ASPH: variants seen among roughly 807,000 people sequenced by gnomAD.
ASPH encodes the protein aspartyl/asparaginyl beta-hydroxylase.
Under a neutral mutation model 118.4 loss-of-function variants are expected in ASPH, and 100 were observed. The observed-to-expected ratio is 0.84, with a 90% CI of 0.72 to 1.00. The LOEUF (loss-of-function observed/expected upper bound fraction) is 1.00. Among genes scored for constraint, ASPH ranks in the 50% least tolerant of loss-of-function variants. ASPH has a pLI of 0.00. For missense variants in ASPH, 920 were observed against 919.5 expected (o/e 1.00, Z -0.01); for synonymous variants, 315 against 325.6 (o/e 0.97, Z 0.35).
chr8:61,619,060 C>G (rs1203637520), intron 13 of ASPH, 41 bp from the exon 14 acceptor site: 3 of 1,406,244 alleles, frequency 2.1e-6, no homozygotes, highest in Non-Finnish European at 3.0e-6. Context: ...CTATGCAAGT[C>G]ACCATTCAGT....
intron 21 of ASPH, among the ~76,000 whole-genome samples, chr8:61,542,537 C>G (rs183019275): frequency 6.6e-6 from 1 of 152,308 alleles, no homozygotes; most frequent in East Asian, 1.9e-4. Context: ...GCACTATTAT[C>G]ATACAAATTA....
intron 1 of ASPH, 24 bp downstream of exon 1, chr8:61,714,245 T>TC: frequency 6.8e-7 from 1 of 1,475,822 alleles, no homozygotes; most frequent in South Asian, 1.3e-5. Context: ...AGGCCCCAGA[T>TC]CCCCGCCCCG....
intron 18 of ASPH, among the ~76,000 whole-genome samples, chr8:61,556,266 G>A (rs985206594): frequency 1.3e-5 from 2 of 152,104 alleles, no homozygotes; most frequent in African/African-American, 4.8e-5. Flanking sequence ...CAAGAATGAA[G>A]AAATGAATGA....
At chr8:61,618,191 C>T (rs1318714833) in intron 14 of ASPH, among the ~76,000 whole-genome samples, 1 of 152,106 alleles carries the variant, frequency 6.6e-6, no homozygotes, top group African/African-American at 2.4e-5. Context: ...CACATGCTCA[C>T]CAAGTATCAT....
Position 61,503,045 on chromosome 8 carries a change from T to A in ASPH, c.*314A>T, listed in dbSNP as rs1805201649. On this transcript the variant is annotated 3_prime_UTR_variant, in exon 25 of 25. Transcript: ENST00000379454. ...TTCTACATATGTTCTCATTATACAT[T>A]GAATTAGACCTATTCTATGTGGAAA... The A allele has an allele frequency of 4.7e-6, 1 of 214,818 alleles. No individual in the cohort carries two copies. The highest frequency in any genetic ancestry group is 9.1e-6 in the Non-Finnish European group (1 of 109,804). The allele number at this position is 214,818 out of a possible 1,614,324, so 13.3% of individuals were successfully genotyped here. A position where few individuals can be genotyped will look rare whatever the true frequency, so the allele number is the denominator to read the frequency against.
chr8:61,561,019 G>A (rs1175689031), intron 18 of ASPH, among the ~76,000 whole-genome samples: 4 of 148,366 alleles, frequency 2.7e-5, no homozygotes, highest in African/African-American at 1.0e-4. Context: ...TACAAGGAAG[G>A]AAGGGAATGA....
intron 14 of ASPH, among the ~76,000 whole-genome samples, chr8:61,598,516 G>T (rs895119433): frequency 1.3e-5 from 2 of 152,190 alleles, no homozygotes; most frequent in African/African-American, 4.8e-5. Flanking sequence ...TCTAAAGGAA[G>T]AGACAGACTC....
Position 61,638,306 on chromosome 8 carries a change from T to C in ASPH, c.832+16A>G. ...AGCTGACTTGCAGAAAATATGTGCT[T>C]ACAGAAAAAACTTACCTGTGATTTC... On this transcript the variant is annotated intron_variant, in intron 11 of 24. Coordinates refer to ENST00000379454, the MANE Select transcript of ASPH (RefSeq NM_004318.4). The C allele has an allele frequency of 6.3e-7, 1 of 1,598,884 alleles. No homozygotes were observed. The highest frequency in any genetic ancestry group is 8.5e-7 in the Non-Finnish European group (1 of 1,175,864).
chr8:61,579,035 C>T (rs1242380878), intron 15 of ASPH: 4 of 1,610,808 alleles, frequency 2.5e-6, no homozygotes, highest in Admixed American at 1.7e-5. Context: ...ATATTGCCAA[C>T]CAAAGACGGG....
intron 3 of ASPH, chr8:61,658,626 AATGAG>A (rs1453657479): frequency 1.3e-5 from 2 of 152,190 alleles, no homozygotes; most frequent in Non-Finnish European, 2.9e-5. Flanking sequence ...TTAAGAATTA[AATGAG>A]ATAATTTAAA....
At chr8:61,625,925 A>C (rs1016611857) in intron 13 of ASPH, 1 of 1,068,682 alleles carries the variant, frequency 9.4e-7, no homozygotes, top group African/African-American at 1.7e-5. Flanking sequence ...AATTGCTGCT[A>C]CATCACCAAT....
chr8:61,574,378 A>G (rs193031566), intron 16 of ASPH, among the ~76,000 whole-genome samples: 4 of 152,346 alleles, frequency 2.6e-5, no homozygotes, highest in African/African-American at 9.6e-5. Flanking sequence ...AAATCATTCT[A>G]CTATAAAGAC....
At chr8:61,527,262 C>G (rs1563703709) in intron 21 of ASPH, among the ~76,000 whole-genome samples, 1 of 152,112 alleles carries the variant, frequency 6.6e-6, no homozygotes, top group African/African-American at 2.4e-5. Flanking sequence ...TTGAATTGGT[C>G]AAGCAAAATG....
At chr8:61,707,996 ATAT>A (rs1202613887) in intron 1 of ASPH, among the ~76,000 whole-genome samples, 1 of 152,192 alleles carries the variant, frequency 6.6e-6, no homozygotes, top group African/African-American at 2.4e-5. Context: ...TACATGTTAT[ATAT>A]TATTTTGTGC....
At chr8:61,658,467 C>A (rs1814943037) in intron 3 of ASPH, 1 of 152,156 alleles carries the variant, frequency 6.6e-6, no homozygotes, top group South Asian at 2.1e-4. Context: ...CAAGGACATG[C>A]AACTCAGCAT....
intron 19 of ASPH, among the ~76,000 whole-genome samples, chr8:61,554,762 G>T (rs1197757009): frequency 6.6e-6 from 1 of 152,106 alleles, no homozygotes; most frequent in East Asian, 1.9e-4. Flanking sequence ...TTTAGAGACA[G>T]GGTCTCAGTC....
rs766833333 is a variant in ASPH at position 61,517,513 on chromosome 8, A to G, written c.2126+15T>C. The G allele has an allele frequency of 2.5e-6, 4 of 1,613,118 alleles. No individual in the cohort carries two copies. The highest frequency in any genetic ancestry group is 3.4e-6 in the Non-Finnish European group (4 of 1,179,184). Reference sequence around the variant, plus strand: ...TCTGAGGTGACGGATATGACGGATAACAGAGGACCCATACTTGGTCTCGTT... The same window carrying G: ...TCTGAGGTGACGGATATGACGGATAGCAGAGGACCCATACTTGGTCTCGTT... On this transcript the variant is annotated intron_variant, in intron 24 of 24. Coordinates refer to ENST00000379454, the MANE Select transcript of ASPH (RefSeq NM_004318.4).
chr8:61,675,837 G>A, intron 3 of ASPH: 1 of 1,310,328 alleles, frequency 7.6e-7, no homozygotes, highest in Non-Finnish European at 9.7e-7. Context: ...CATTTTCAGT[G>A]TACTTTGTAG....
intron 21 of ASPH, among the ~76,000 whole-genome samples, chr8:61,541,355 C>T (rs1294155692): frequency 4.6e-5 from 7 of 151,800 alleles, no homozygotes; most frequent in Non-Finnish European, 8.8e-5. Context: ...CAGAGTGAGA[C>T]TCCGTCTAAA....
Sources: allele counts gnomAD v4.1 joint callset (sites outside exome capture counted in the v4.1 genomes callset), GRCh38; gene constraint gnomAD v4.1.1; transcripts MANE v1.5; gene names NCBI Gene and HGNC (gene_info 2026-07-23, HGNC 2026-07-21).